The following VWDE variants were observed in gnomAD, a reference collection of about 807,000 sequenced individuals.
VWDE encodes von Willebrand factor D and EGF domains.
VWDE carries 207 observed loss-of-function variants against 178.4 expected under a neutral mutation model. The observed-to-expected ratio is 1.16, with a 90% CI of 1.04 to 1.30. VWDE has a LOEUF of 1.30. Among genes scored for constraint, VWDE ranks in the 50% most tolerant of loss-of-function variants. The pLI, the probability that VWDE is intolerant of heterozygous loss-of-function variation, is 0.00. For synonymous variants in VWDE, 738 were observed against 651.4 expected (o/e 1.13, Z -2.02); for missense variants, 2,287 against 1,901.3 (o/e 1.20, Z -3.77).
Position 12,389,339 on chromosome 7 carries a change from T to C in VWDE, c.263A>G (p.Gln88Arg), listed in dbSNP as rs1489137818. The C allele has an allele frequency of 4.5e-6, 7 of 1,547,580 alleles. No homozygotes were observed. The highest frequency in any genetic ancestry group is 2.0e-5 in the Admixed American group (1 of 50,914). Residue 88 changes from glutamine to arginine, a missense_variant, in exon 3 of 29, where the codon CAG becomes CGG. By Grantham distance (43) the Gln-to-Arg change is conservative. Coordinates refer to ENST00000275358, the MANE Select transcript of VWDE (RefSeq NM_001135924.3). ...KCVEMNHCGT[Q>R]APIWLSLRDS... is the part of the protein sequence containing the mutation. ...TCTCAGAGACAGCCAGATGGGGGCC[T>C]GAGTTCCACAATGGTTCATCTTTTG...
rs1283591673 is a variant in VWDE, at chr7:12,331,182, C to A, written c.*1G>T. On this transcript the variant is annotated 3_prime_UTR_variant, in exon 29 of 29. Transcript: ENST00000275358. Reference sequence around the variant, plus strand: ...CTTGTAATTCATATACTTGATGCTACTCAATGGCGTCTTATCTGTAGTAGG... The same window carrying A: ...CTTGTAATTCATATACTTGATGCTAATCAATGGCGTCTTATCTGTAGTAGG... 1 of 1,541,612 alleles carries A rather than the reference C, an allele frequency of 6.5e-7. No homozygotes were observed. The highest frequency in any genetic ancestry group is 8.8e-7 in the Non-Finnish European group (1 of 1,140,130).
Position 12,351,666 on chromosome 7 carries a change from T to G in VWDE, c.3793A>C (p.Thr1265Pro). 1.3e-6 allele frequency: 2 copies of G among 1,550,010 alleles called. No individual in the cohort carries two copies. Among genetic ancestry groups the G allele is most frequent in the African/African-American group, 1.4e-5 (1 of 73,086 alleles). Residue 1265 changes from threonine to proline, a missense_variant, in exon 19 of 29, where the codon ACA (threonine) becomes CCA (proline). Coordinates refer to ENST00000275358, the MANE Select transcript of VWDE (RefSeq NM_001135924.3). ...TTATTTACACTTTTATCAGATCTTG[T>G]GAGAACCACAGTTTGTGTAGTAAAT... ...NQFTTQTVVLTRSDKSVNKEE... is the reference protein window; with the variant it reads ...NQFTTQTVVLPRSDKSVNKEE...
At chr7:12,367,565 G>A in intron 12 of VWDE, 72 bp from the exon 13 acceptor site, 1 of 1,258,008 alleles carries the variant, frequency 7.9e-7, no homozygotes. Context: ...TTATTTCCAA[G>A]CCCCAAATTA....
chr7:12,358,901 G>C (rs1782420696), intron 16 of VWDE, among the ~76,000 whole-genome samples: 1 of 152,088 alleles, frequency 6.6e-6, no homozygotes. Flanking sequence ...CAAATGTAAT[G>C]AAACACAGTA....
At chr7:12,358,819 AT>A (rs1446108561) in intron 16 of VWDE, among the ~76,000 whole-genome samples, 1 of 152,114 alleles carries the variant, frequency 6.6e-6, no homozygotes, top group Non-Finnish European at 1.5e-5. Context: ...CTTGCACTAC[AT>A]TTTTCCTCAA....
intron 16 of VWDE, among the ~76,000 whole-genome samples, chr7:12,357,857 C>G (rs1782347255): frequency 6.6e-6 from 1 of 152,132 alleles, no homozygotes; most frequent in Non-Finnish European, 1.5e-5. Context: ...CTCTCTCTCT[C>G]TCTGGCTGTG....
chr7:12,354,162 G>T, intron 18 of VWDE: 1 of 240,798 alleles, frequency 4.2e-6, no homozygotes, highest in South Asian at 4.8e-5. Flanking sequence ...ATTCCCTGCT[G>T]TTACACTCTA....
rs536643465 is a variant in VWDE at position 12,351,446 on chromosome 7, C to T, written c.3886+127G>A. 1.9e-5 allele frequency: 19 copies of T among 982,308 alleles called. No individual in the cohort carries two copies. The Middle Eastern group carries it at 9.7e-4, about 50-fold the overall frequency. 60.8% of individuals were successfully genotyped at this position (982,308 alleles called of 1,614,324 possible). A position where few individuals can be genotyped will look rare whatever the true frequency, so the allele number is the denominator to read the frequency against. ...GCAAGAGAAAGGATAAATTTTAAAC[C>T]GCATCATATAACCTTTAGGTGATCT... On this transcript the variant is annotated intron_variant, in intron 19 of 28. Transcript: ENST00000275358.
chr7:12,382,043 A>G (rs1003208705), intron 4 of VWDE, among the ~76,000 whole-genome samples: 2 of 151,854 alleles, frequency 1.3e-5, no homozygotes, highest in African/African-American at 4.8e-5. Flanking sequence ...CAAAATTAGT[A>G]TTCCTTTGTC....
At chr7:12,332,063 A>G (rs1780752485) in intron 28 of VWDE, among the ~76,000 whole-genome samples, 1 of 152,046 alleles carries the variant, frequency 6.6e-6, no homozygotes, top group Non-Finnish European at 1.5e-5. Flanking sequence ...GGAAGAGGGG[A>G]GCAAGGGATG....
chr7:12,379,714 A>G (rs1783734938), intron 5 of VWDE, 148 bp from the exon 6 acceptor site: 1 of 544,570 alleles, frequency 1.8e-6, no homozygotes, highest in African/African-American at 1.9e-5. Flanking sequence ...CTTACTTGAT[A>G]TTTCAGAAAA....
intron 2 of VWDE, among the ~76,000 whole-genome samples, chr7:12,393,274 C>G (rs933850859): frequency 2.6e-5 from 4 of 152,172 alleles, no homozygotes; most frequent in African/African-American, 9.7e-5. Flanking sequence ...GACCTGCTAC[C>G]TGTGACTGTA....
chr7:12,389,940 A>C (rs1208862237), intron 2 of VWDE, among the ~76,000 whole-genome samples: 1 of 152,186 alleles, frequency 6.6e-6, no homozygotes, highest in Non-Finnish European at 1.5e-5. Context: ...AGGTGGGCGG[A>C]TTGCCTGAGG....
intron 18 of VWDE, 48 bp from the exon 19 acceptor site, chr7:12,351,761 A>G: frequency 6.9e-7 from 1 of 1,457,234 alleles, no homozygotes; most frequent in Non-Finnish European, 9.1e-7. Flanking sequence ...CTATTAGACA[A>G]CCAAAGCACC....
intron 22 of VWDE, among the ~76,000 whole-genome samples, chr7:12,342,685 T>G (rs1417685470): frequency 6.6e-6 from 1 of 151,622 alleles, no homozygotes; most frequent in Non-Finnish European, 1.5e-5. Context: ...TTATGATTAT[T>G]ATTATTATTA....
chr7:12,351,814 C>G, intron 18 of VWDE, 101 bp from the exon 19 acceptor site: 1 of 1,045,482 alleles, frequency 9.6e-7, no homozygotes, highest in Non-Finnish European at 1.3e-6. Flanking sequence ...GGATTAAACT[C>G]TGCAAATTAG....
intron 3 of VWDE, among the ~76,000 whole-genome samples, chr7:12,384,938 T>TTTAATTGATATGA (rs1784025066): frequency 6.6e-6 from 1 of 152,136 alleles, no homozygotes; most frequent in South Asian, 2.1e-4. Context: ...ATAGGCTAAC[T>TTTAATTGATATGA]TTAATTGATA....
Position 12,393,249 on chromosome 7 carries a change from A to G in VWDE, c.243+345T>C, listed in dbSNP as rs368087388. On this transcript the variant is annotated intron_variant, in intron 2 of 28. Transcript: ENST00000275358. ...CCCTGGAGAACGACTGCCTGTATTC[A>G]AAACTCAGCTTTTTGACCTGCTACC... Among the ~76,000 whole-genome samples, 10 of 152,320 alleles carry G rather than the reference A, an allele frequency of 6.6e-5. No homozygotes were observed. The South Asian group carries it at 1.9e-3, about 28-fold the overall frequency.
At chr7:12,394,005 C>T (rs1056805634) in intron 1 of VWDE, among the ~76,000 whole-genome samples, 3 of 152,148 alleles carry the variant, frequency 2.0e-5, no homozygotes, top group Non-Finnish European at 4.4e-5. Context: ...TTAGAATGTA[C>T]TTTTGAAACA....
Sources: gnomAD v4.1 joint callset for allele counts (sites outside exome capture counted in the v4.1 genomes callset) on GRCh38, gnomAD v4.1.1 for gene constraint, MANE v1.5 for transcripts, NCBI Gene and HGNC (gene_info 2026-07-23, HGNC 2026-07-21) for gene names.